The following CORIN variants were observed in gnomAD, a reference collection of about 807,000 sequenced individuals.
CORIN encodes corin, serine peptidase.
A neutral mutation model predicts 125.3 loss-of-function variants in CORIN; 117 were observed. The observed-to-expected ratio is 0.93, with a 90% CI of 0.80 to 1.09. CORIN has a LOEUF of 1.09. Ranked by LOEUF, CORIN falls within the 50% of genes least tolerant of loss-of-function variation. The pLI, the probability that CORIN is intolerant of heterozygous loss-of-function variation, is 0.00. For synonymous variants in CORIN, 450 were observed against 466.4 expected (o/e 0.96, Z 0.45); for missense variants, 1,253 against 1,306.7 (o/e 0.96, Z 0.63).
chr4:47,630,103 T>C (rs1298485880), intron 16 of CORIN, among the ~76,000 whole-genome samples: 2 of 152,080 alleles, frequency 1.3e-5, no homozygotes, highest in African/African-American at 4.8e-5. Context: ...CACACATAGG[T>C]TTGGGGGTAT....
In CORIN at chr4:47,632,651, A is replaced by G. The variant is rs956902144; in HGVS notation, c.2199-6130T>C. Among the ~76,000 whole-genome samples the G allele has an allele frequency of 2.0e-5, 3 of 152,282 alleles. No individual in the cohort carries two copies. In the East Asian group the frequency reaches 5.8e-4, roughly 29 times the overall value. ...ATAGAAATGCTTAAAGCAGAGCATAAGTTCTGAGCTTATTTTTCTAGTTAA... is the reference window on the plus strand; with the variant it reads ...ATAGAAATGCTTAAAGCAGAGCATAGGTTCTGAGCTTATTTTTCTAGTTAA... On this transcript the variant is annotated intron_variant, in intron 16 of 21. Coordinates refer to ENST00000273857, the MANE Select transcript of CORIN (RefSeq NM_006587.4).
chr4:47,823,604 C>T (rs1465382671), intron 1 of CORIN, among the ~76,000 whole-genome samples: 2 of 152,218 alleles, frequency 1.3e-5, no homozygotes, highest in African/African-American at 2.4e-5. Flanking sequence ...ACATTGAAAA[C>T]CAGATATTTA....
chr4:47,671,678 G>A (rs910338548), intron 10 of CORIN, among the ~76,000 whole-genome samples: 3 of 152,096 alleles, frequency 2.0e-5, no homozygotes, highest in Non-Finnish European at 4.4e-5. Flanking sequence ...TCCACCTCCT[G>A]GATTCATGCC....
At chr4:47,776,585 T>C (rs1490112294) in intron 3 of CORIN, among the ~76,000 whole-genome samples, 1 of 152,248 alleles carries the variant, frequency 6.6e-6, no homozygotes, top group Non-Finnish European at 1.5e-5. Flanking sequence ...GAGGATTATA[T>C]TGAGTGCATA....
chr4:47,773,730 TC>T (rs1730165932), intron 3 of CORIN, among the ~76,000 whole-genome samples: 1 of 152,056 alleles, frequency 6.6e-6, no homozygotes, highest in Admixed American at 6.6e-5. Flanking sequence ...ATAAAACATG[TC>T]ATTTCTTTCT....
At chr4:47,822,726 G>A (rs1282247794) in intron 1 of CORIN, among the ~76,000 whole-genome samples, 2 of 152,168 alleles carry the variant, frequency 1.3e-5, no homozygotes, top group African/African-American at 4.8e-5. Flanking sequence ...ACATGATACT[G>A]TTGGGATGGG....
intron 3 of CORIN, among the ~76,000 whole-genome samples, chr4:47,776,671 C>T (rs557957657): frequency 6.6e-6 from 1 of 152,236 alleles, no homozygotes; most frequent in East Asian, 1.9e-4. Context: ...AATTTGGAGG[C>T]CATTCCAATG....
Position 47,724,344 on chromosome 4 carries a change from GAA to G in CORIN, c.799+20056_799+20057del, listed in dbSNP as rs1458103065. 2.6e-5 allele frequency among the ~76,000 whole-genome samples: 4 copies of G among 152,068 alleles called. No homozygotes were observed. The East Asian group carries it at 5.8e-4, about 22-fold the overall frequency. On this transcript the variant is annotated intron_variant, in intron 5 of 21. Coordinates refer to ENST00000273857, the MANE Select transcript of CORIN (RefSeq NM_006587.4). ...GATATTATCTAATATGAACAAAAGAGAAAAGTTTTCAAAAAACGAACATAACT... is the reference window on the plus strand; with the variant it reads ...GATATTATCTAATATGAACAAAAGAGAAGTTTTCAAAAAACGAACATAACT...
At position 47,670,698 on chromosome 4, in the gene CORIN, G is replaced by A. The variant is rs555695192; in HGVS notation, c.1357+3695C>T. Among the ~76,000 whole-genome samples the A allele has an allele frequency of 2.5e-4, 38 of 152,336 alleles. No individual in the cohort carries two copies. The South Asian group carries it at 7.7e-3, about 31-fold the overall frequency. On this transcript the variant is annotated intron_variant, in intron 10 of 21. Coordinates refer to ENST00000273857, the MANE Select transcript of CORIN (RefSeq NM_006587.4). ...GGGCACAGGGAGGCAGGAGAGACAT[G>A]CCCAGGAGTCGCTTTTGCAGGTTCT...
chr4:47,752,421 T>C (rs903621405), intron 4 of CORIN, among the ~76,000 whole-genome samples: 1 of 152,172 alleles, frequency 6.6e-6, no homozygotes, highest in African/African-American at 2.4e-5. Flanking sequence ...CAGAGGTGAC[T>C]CCTGCCTGAG....
intron 5 of CORIN, among the ~76,000 whole-genome samples, chr4:47,723,124 C>T (rs1034202476): frequency 6.6e-6 from 1 of 152,198 alleles, no homozygotes; most frequent in Non-Finnish European, 1.5e-5. Context: ...GCCCTAGAAG[C>T]TGTGCTCATG....
chr4:47,786,436 G>A (rs1204697897), intron 3 of CORIN, among the ~76,000 whole-genome samples: 2 of 152,172 alleles, frequency 1.3e-5, no homozygotes, highest in Non-Finnish European at 2.9e-5. Context: ...AGCCACTCAA[G>A]AGGCTGAGGC....
At chr4:47,632,766 G>GATAGATAT (rs746921612) in intron 16 of CORIN, among the ~76,000 whole-genome samples, 2 of 63,408 alleles carry the variant, frequency 3.2e-5, no homozygotes, top group Non-Finnish European at 6.5e-5. Flanking sequence ...TAGATAGATA[G>GATAGATAT]AGATAGATAG....
intron 6 of CORIN, 39 bp from the exon 7 acceptor site, chr4:47,683,877 A>G (rs779284313): frequency 4.2e-6 from 6 of 1,438,068 alleles, no homozygotes; most frequent in Admixed American, 1.8e-5. Flanking sequence ...CATCAGAGCC[A>G]TACAGAATGC....
chr4:47,611,474 C>A (rs1182038024), intron 19 of CORIN, among the ~76,000 whole-genome samples: 2 of 152,200 alleles, frequency 1.3e-5, no homozygotes, highest in African/African-American at 4.8e-5. Flanking sequence ...AGTTGCTTAT[C>A]AGTTTAAGAA....
chr4:47,762,357 G>T (rs1729506815), intron 4 of CORIN, among the ~76,000 whole-genome samples: 1 of 152,106 alleles, frequency 6.6e-6, no homozygotes, highest in Admixed American at 6.5e-5. Flanking sequence ...ACTTATTCTT[G>T]TATTACTATT....
chr4:47,766,181 T>C (rs1181464417), intron 3 of CORIN, among the ~76,000 whole-genome samples: 1 of 152,128 alleles, frequency 6.6e-6, no homozygotes, highest in Non-Finnish European at 1.5e-5. Flanking sequence ...ATTAGTTAGG[T>C]TTGGTTTGGC....
rs1008030250 is a variant in CORIN at position 47,625,148 on chromosome 4, C to T, written c.2316-1200G>A. 5.9e-5 allele frequency among the ~76,000 whole-genome samples: 9 copies of T among 152,200 alleles called. No individual in the cohort carries two copies. In the East Asian group the frequency reaches 9.6e-4, roughly 16 times the overall value. On this transcript the variant is annotated intron_variant, in intron 17 of 21. Transcript: ENST00000273857. ...TACTAATTTATAATCTTTATTTTCA[C>T]CCCCATATAGTGTATGTTCCCTGAG...
chr4:47,802,069 G>C (rs534017531), intron 2 of CORIN, among the ~76,000 whole-genome samples: 1 of 152,328 alleles, frequency 6.6e-6, no homozygotes, highest in Non-Finnish European at 1.5e-5. Context: ...GCAGAGACCT[G>C]GCAGGAGTCA....
Sources: allele counts gnomAD v4.1 joint callset (sites outside exome capture counted in the v4.1 genomes callset), GRCh38; gene constraint gnomAD v4.1.1; transcripts MANE v1.5; gene names NCBI Gene and HGNC (gene_info 2026-07-23, HGNC 2026-07-21).